The following RTL4 variants were observed in gnomAD, a reference collection of about 807,000 sequenced individuals.
The protein encoded by RTL4 is retrotransposon Gag-like protein 4.
A neutral mutation model predicts 5.3 loss-of-function variants in RTL4; 4 were observed. The observed-to-expected ratio is 0.75, with a 90% CI of 0.37 to 1.72. The LOEUF is 1.72. Among genes scored for constraint, RTL4 ranks in the 40% most tolerant of loss-of-function variants. The probability of loss-of-function intolerance (pLI) is 0.04; values close to 1 mark genes in which losing one functional copy is unlikely to be tolerated. For missense variants in RTL4, 260 were observed against 227.1 expected (o/e 1.14, Z -0.93); for synonymous variants, 98 against 87.3 (o/e 1.12, Z -0.68).
chrX:112,100,864 A>C, the RTL4 span, among the ~76,000 whole-genome samples: 3 of 111,644 alleles, frequency 2.7e-5, no homozygotes, highest in Non-Finnish European at 3.8e-5. Flanking sequence ...GGGTGTCAAT[A>C]TGCCCATGTA....
At chrX:112,425,325 T>A in the RTL4 span, among the ~76,000 whole-genome samples, 2 of 111,591 alleles carry the variant, frequency 1.8e-5, no homozygotes, top group Admixed American at 9.5e-5. Flanking sequence ...ATTAATTGAG[T>A]CGCTTTTATT....
chrX:112,244,845 T>G, the RTL4 span, among the ~76,000 whole-genome samples: 5 of 111,975 alleles, frequency 4.5e-5, no homozygotes, highest in South Asian at 1.9e-3. Context: ...GTTGTTTCTT[T>G]CCGTGTTTAG....
At chrX:112,279,521 GA>G in the RTL4 span, among the ~76,000 whole-genome samples, 1 of 111,297 alleles carries the variant, frequency 9.0e-6, no homozygotes, top group Non-Finnish European at 1.9e-5. Flanking sequence ...TTGTAGACAT[GA>G]AAGATCTCAA....
At chrX:112,350,985 C>A in the RTL4 span, among the ~76,000 whole-genome samples, 1 of 111,444 alleles carries the variant, frequency 9.0e-6, no homozygotes, top group Non-Finnish European at 1.9e-5. Flanking sequence ...ATCTTTCCTC[C>A]TTTCTCCTGT....
the RTL4 span, among the ~76,000 whole-genome samples, chrX:112,086,952 T>A: frequency 8.9e-6 from 1 of 112,214 alleles, no homozygotes; most frequent in Non-Finnish European, 1.9e-5. Context: ...ATGATTAATC[T>A]TAATAAAAGA....
chrX:112,395,709 C>T, the RTL4 span, among the ~76,000 whole-genome samples: 1 of 111,361 alleles, frequency 9.0e-6, no homozygotes, highest in Non-Finnish European at 1.9e-5. Context: ...CAACCTGTGT[C>T]AAAGTGGTGC....
At chrX:112,404,399 T>C in the RTL4 span, among the ~76,000 whole-genome samples, 1 of 111,816 alleles carries the variant, frequency 8.9e-6, no homozygotes, top group East Asian at 2.8e-4. Context: ...TTTGTGTTTG[T>C]AACCTCTACT....
chrX:112,324,518 C>A, the RTL4 span, among the ~76,000 whole-genome samples: 2 of 110,863 alleles, frequency 1.8e-5, no homozygotes, highest in African/African-American at 6.5e-5. Flanking sequence ...GGTTTAATTA[C>A]TTCTTTTCCT....
chrX:112,385,025 T>A, the RTL4 span, among the ~76,000 whole-genome samples: 1 of 111,239 alleles, frequency 9.0e-6, no homozygotes, highest in Non-Finnish European at 1.9e-5. Context: ...ACTGTTGGTG[T>A]ATAGGAATGC....
the RTL4 span, among the ~76,000 whole-genome samples, chrX:112,422,603 C>T: frequency 9.0e-6 from 1 of 111,055 alleles, no homozygotes; most frequent in Admixed American, 9.7e-5. Flanking sequence ...AATAAATTTA[C>T]TAGGCATGAG....
the RTL4 span, among the ~76,000 whole-genome samples, chrX:112,086,304 A>G: frequency 8.9e-6 from 1 of 112,732 alleles, no homozygotes; most frequent in Non-Finnish European, 1.9e-5. Flanking sequence ...GGCTGTAACA[A>G]ATTGAGCAAT....
At chrX:112,309,867 T>G in the RTL4 span, among the ~76,000 whole-genome samples, 1 of 103,602 alleles carries the variant, frequency 9.7e-6, no homozygotes, top group African/African-American at 3.7e-5. Flanking sequence ...CACACATATA[T>G]ACATACATAT....
At chrX:112,164,803 A>G in the RTL4 span, among the ~76,000 whole-genome samples, 2 of 112,013 alleles carry the variant, frequency 1.8e-5, no homozygotes, top group Non-Finnish European at 3.8e-5. Flanking sequence ...TCACTCTCTT[A>G]AAAGAATCAC....
the RTL4 span, among the ~76,000 whole-genome samples, chrX:112,276,430 TTTC>T: frequency 1.8e-5 from 2 of 112,369 alleles, no homozygotes; most frequent in Non-Finnish European, 3.8e-5. Flanking sequence ...CATGCTGTAT[TTTC>T]TTCTTAGAGA....
At chrX:112,110,561 C>G in the RTL4 span, among the ~76,000 whole-genome samples, 21 of 111,773 alleles carry the variant, frequency 1.9e-4, 1 homozygote, top group Admixed American at 1.5e-3. Context: ...ACACTGTTAA[C>G]TTTTAGCAAA....
the RTL4 span, among the ~76,000 whole-genome samples, chrX:112,295,203 C>T: frequency 2.7e-5 from 3 of 111,429 alleles, no homozygotes; most frequent in Non-Finnish European, 5.7e-5. Flanking sequence ...CACTCAGAGA[C>T]CTTGAATTAA....
the RTL4 span, among the ~76,000 whole-genome samples, chrX:112,289,208 A>T: frequency 9.0e-6 from 1 of 111,355 alleles, no homozygotes; most frequent in South Asian, 3.8e-4. Context: ...TGGGCAGGAA[A>T]CCCTTTTCAT....
the RTL4 span, among the ~76,000 whole-genome samples, chrX:112,289,211 C>G: frequency 9.0e-6 from 1 of 111,610 alleles, no homozygotes; most frequent in South Asian, 3.8e-4. Flanking sequence ...GCAGGAAACC[C>G]TTTTCATGAG....
At chrX:112,124,953 T>C in the RTL4 span, among the ~76,000 whole-genome samples, 3 of 110,972 alleles carry the variant, frequency 2.7e-5, no homozygotes, top group African/African-American at 9.8e-5. Flanking sequence ...CAGGCTGGAG[T>C]GCAGTGGTGC....
Sources: allele counts gnomAD v4.1 joint callset (sites outside exome capture counted in the v4.1 genomes callset), GRCh38; gene constraint gnomAD v4.1.1; transcripts MANE v1.5; gene names NCBI Gene and HGNC (gene_info 2026-07-23, HGNC 2026-07-21).